TNRC6A: variants seen among roughly 807,000 people sequenced by gnomAD.
TNRC6A encodes the protein trinucleotide repeat-containing gene 6A protein.
In TNRC6A, 44 loss-of-function variants were observed where a neutral mutation model predicts 221.2. The ratio of observed to expected loss-of-function variants is 0.20; its 90% CI spans 0.16 to 0.26. TNRC6A has a LOEUF of 0.26. Among genes scored for constraint, TNRC6A ranks in the 10% least tolerant of loss-of-function variants. The pLI is 1.00. For missense variants in TNRC6A, 2,199 were observed against 2,404.4 expected, an observed-to-expected ratio of 0.91 and a Z score of 1.79; for synonymous variants, 847 against 838.5, an observed-to-expected ratio of 1.01 and a Z score of -0.18.
At chr16:24,655,807 A>C (rs1315568628) in intron 2 of TNRC6A, among the ~76,000 whole-genome samples, 1 of 152,202 alleles carries the variant, frequency 6.6e-6, no homozygotes. Flanking sequence ...AACAGGATTT[A>C]AATAACAGAA....
intron 2 of TNRC6A, among the ~76,000 whole-genome samples, chr16:24,646,792 T>C (rs940007189): frequency 2.6e-5 from 4 of 152,234 alleles, no homozygotes; most frequent in African/African-American, 9.6e-5. Context: ...TGGTATCTCA[T>C]GGCATGACTC....
chr16:24,793,459 C>A lies in TNRC6A; in HGVS notation c.3176-14C>A. On this transcript the variant is annotated splice_polypyrimidine_tract_variant and intron_variant, in intron 6 of 24. Transcript: ENST00000395799. The stretch of plus-strand genomic sequence containing the variant: ...CTTCTATGCTGATGACTTCTTTTCC[C>A]ACACTTTCTAAAGGCTGGGGTGAGC... The A allele has an allele frequency of 7.2e-7, 1 of 1,396,808 alleles. No individual in the cohort carries two copies. The highest frequency in any genetic ancestry group is 1.5e-5 in the African/African-American group (1 of 68,344). 86.5% of individuals were successfully genotyped at this position (1,396,808 alleles called of 1,614,324 possible).
intron 2 of TNRC6A, among the ~76,000 whole-genome samples, chr16:24,741,157 C>CT (rs1196605628): frequency 2.0e-5 from 3 of 152,292 alleles, no homozygotes; most frequent in African/African-American, 4.8e-5. Context: ...CACGCACTCT[C>CT]TTTTTTCTGA....
chr16:24,625,737 C>CA (rs749882396), intron 1 of TNRC6A, among the ~76,000 whole-genome samples: 1,554 of 24,010 alleles, frequency 0.065, 11 homozygotes, highest in South Asian at 0.14. Context: ...CGTCTCAAAA[C>CA]AAAAAAAAAA....
chr16:24,790,192 C>T lies in TNRC6A; in HGVS notation c.1550C>T (p.Ser517Phe). ...LSNGESKSGG[S>F]YGTTWGAYGS... Reference sequence around the variant, plus strand: ...AATGGAGAGTCAAAAAGTGGAGGCTCTTATGGTACTACATGGGGTGCCTAT... The same window carrying T: ...AATGGAGAGTCAAAAAGTGGAGGCTTTTATGGTACTACATGGGGTGCCTAT... The change falls in exon 6 of 25, where the codon TCT becomes TTT. Residue 517 changes from serine (S) to phenylalanine (F), a missense_variant. Coordinates refer to ENST00000395799, the MANE Select transcript of TNRC6A (RefSeq NM_014494.4). 2 of 1,614,204 alleles carry T rather than the reference C, an allele frequency of 1.2e-6. No homozygotes were observed. The highest frequency in any genetic ancestry group is 1.7e-6 in the Non-Finnish European group (2 of 1,180,024).
At chr16:24,780,131 C>T (rs2057809457) in intron 5 of TNRC6A, among the ~76,000 whole-genome samples, 1 of 152,152 alleles carries the variant, frequency 6.6e-6, no homozygotes, top group Non-Finnish European at 1.5e-5. Context: ...CCAAAGTGTT[C>T]TATCCTATTT....
intron 9 of TNRC6A, among the ~76,000 whole-genome samples, chr16:24,796,861 C>T (rs2058230297): frequency 6.6e-6 from 1 of 152,220 alleles, no homozygotes; most frequent in African/African-American, 2.4e-5. Context: ...GACCCTCCAT[C>T]CTCTTAACTC....
At chr16:24,631,442 T>G (rs186511228) in intron 1 of TNRC6A, among the ~76,000 whole-genome samples, 16 of 152,304 alleles carry the variant, frequency 1.1e-4, no homozygotes, top group Non-Finnish European at 2.2e-4. Flanking sequence ...TCCTTTTGTT[T>G]GTTCCTAATT....
At chr16:24,707,770 C>T (rs73566456) in intron 2 of TNRC6A, among the ~76,000 whole-genome samples, 11,870 of 152,032 alleles carry the variant, frequency 0.078, 1,103 homozygotes, top group East Asian at 0.35. Context: ...TAAATAATGG[C>T]CACAATGGGC....
chr16:24,711,131 T>C (rs2056198037), intron 2 of TNRC6A, among the ~76,000 whole-genome samples: 1 of 152,050 alleles, frequency 6.6e-6, no homozygotes, highest in African/African-American at 2.4e-5. Flanking sequence ...TGCCTCGGCC[T>C]CCCAAACTGC....
intron 12 of TNRC6A, 141 bp from the exon 13 acceptor site, chr16:24,804,564 C>G: frequency 7.6e-7 from 1 of 1,316,358 alleles, no homozygotes; most frequent in Non-Finnish European, 1.0e-6. Flanking sequence ...AGAATTAACA[C>G]TAATCCGATC....
intron 1 of TNRC6A, among the ~76,000 whole-genome samples, chr16:24,633,586 G>A (rs1204992805): frequency 6.6e-6 from 1 of 151,908 alleles, no homozygotes; most frequent in Non-Finnish European, 1.5e-5. Flanking sequence ...GTAGAGTTGG[G>A]GTTTCACCAT....
At chr16:24,661,081 GA>G (rs1178434957) in intron 2 of TNRC6A, among the ~76,000 whole-genome samples, 1 of 151,956 alleles carries the variant, frequency 6.6e-6, no homozygotes, top group African/African-American at 2.4e-5. Context: ...ATGTCTTTAA[GA>G]AAAATTTTTT....
intron 18 of TNRC6A, among the ~76,000 whole-genome samples, chr16:24,812,549 C>T (rs941132868): frequency 6.6e-6 from 1 of 152,102 alleles, no homozygotes; most frequent in African/African-American, 2.4e-5. Context: ...GCTTATAATA[C>T]CATGTTTTAT....
chr16:24,806,630 A>C lies in TNRC6A; in HGVS notation c.4386A>C (p.Pro1462=). 6.2e-7 allele frequency: 1 copy of C among 1,614,224 alleles called. No homozygotes were observed. The highest frequency in any genetic ancestry group is 8.5e-7 in the Non-Finnish European group (1 of 1,180,038). ...QMMQQSRQLD[P]NLLVKQQTPP... is the part of the protein sequence containing the mutation. ...TGCAACAATCTCGTCAACTTGATCC[A>C]AACCTGTTGGTGAAGCAGCAGACTC... The change falls in exon 17 of 25, where the codon CCA becomes CCC. Residue 1462 remains proline, a synonymous_variant. Coordinates refer to ENST00000395799, the MANE Select transcript of TNRC6A (RefSeq NM_014494.4).
intron 2 of TNRC6A, among the ~76,000 whole-genome samples, chr16:24,683,004 T>C (rs1426307496): frequency 6.6e-6 from 1 of 152,218 alleles, no homozygotes; most frequent in Non-Finnish European, 1.5e-5. Context: ...ATTCATTAAC[T>C]TGTCCAAGGT....
chr16:24,689,989 T>TAAAAAAAAAAAA (rs60944175), intron 2 of TNRC6A, among the ~76,000 whole-genome samples: 7 of 97,480 alleles, frequency 7.2e-5, no homozygotes, highest in African/African-American at 1.8e-4. Flanking sequence ...AGGCTTAAAG[T>TAAAAAAAAAAAA]AAAAAAAAAA....
rs1832475748 is a variant in TNRC6A at position 24,823,323 on chromosome 16, G to C, written c.5514-109G>C. On this transcript the variant is annotated intron_variant, in intron 24 of 24. Transcript: ENST00000395799. The surrounding 1 kb of genome is among the most constrained non-coding windows in gnomAD (Gnocchi z 4.3). ...GTTATGTGGTGTAGTCTCTCCCTCTGTGCCTTCTGTGGCTTTTCTAGCAGA... is the reference window on the plus strand; with the variant it reads ...GTTATGTGGTGTAGTCTCTCCCTCTCTGCCTTCTGTGGCTTTTCTAGCAGA... The C allele has an allele frequency of 7.3e-7, 1 of 1,367,520 alleles. No individual in the cohort carries two copies. The highest frequency in any genetic ancestry group is 2.1e-5 in the Admixed American group (1 of 46,910). 84.7% of individuals were successfully genotyped at this position (1,367,520 alleles called of 1,614,324 possible).
chr16:24,667,072 T>C (rs1471713515), intron 2 of TNRC6A, among the ~76,000 whole-genome samples: 1 of 152,028 alleles, frequency 6.6e-6, no homozygotes, highest in African/African-American at 2.4e-5. Context: ...GCCAAGATCA[T>C]GCCACTGCAC....
Sources: allele counts gnomAD v4.1 joint callset (sites outside exome capture counted in the v4.1 genomes callset), GRCh38; gene constraint gnomAD v4.1.1; non-coding constraint Gnocchi (gnomAD v3.1); transcripts MANE v1.5; gene names NCBI Gene and HGNC (gene_info 2026-07-23, HGNC 2026-07-21).